Variants in CTNND2 observed in about 807,000 individuals in gnomAD.
CTNND2 encodes the protein catenin delta 2.
Under a neutral mutation model 144.4 loss-of-function variants are expected in CTNND2, and 22 were observed. The ratio of observed to expected loss-of-function variants is 0.15; its 90% CI spans 0.11 to 0.22. The LOEUF (loss-of-function observed/expected upper bound fraction) is 0.22, where lower values mean the gene tolerates loss of function less well. Ranked by LOEUF, CTNND2 falls within the 10% of genes least tolerant of loss-of-function variation. The probability of loss-of-function intolerance (pLI) is 1.00; values close to 1 mark genes in which losing one functional copy is unlikely to be tolerated. For missense variants in CTNND2, 1,353 were observed against 1,618.8 expected (o/e 0.84, Z 2.82); for synonymous variants, 751 against 695.6 (o/e 1.08, Z -1.25).
intron 2 of CTNND2, among the ~76,000 whole-genome samples, chr5:11,642,566 A>C (rs548557771): frequency 1.3e-5 from 2 of 152,246 alleles, no homozygotes; most frequent in South Asian, 4.1e-4. Context: ...GCAGCAGTGG[A>C]GTTGGTCAAA....
At chr5:11,009,964 A>C (rs558796539) in intron 18 of CTNND2, among the ~76,000 whole-genome samples, 1 of 152,364 alleles carries the variant, frequency 6.6e-6, no homozygotes, top group East Asian at 1.9e-4. Flanking sequence ...AACATCAACA[A>C]GTAAACGTCC....
chr5:11,753,884 C>G (rs1402548237), intron 1 of CTNND2, among the ~76,000 whole-genome samples: 1 of 151,484 alleles, frequency 6.6e-6, no homozygotes, highest in Non-Finnish European at 1.5e-5. Context: ...CAATTTCTTC[C>G]TTTTCTCACC....
intron 2 of CTNND2, among the ~76,000 whole-genome samples, chr5:11,589,765 C>T (rs1166760255): frequency 1.3e-5 from 2 of 152,140 alleles, no homozygotes; most frequent in African/African-American, 4.8e-5. Context: ...GACCTTTGTA[C>T]CAAATGGATC....
chr5:11,253,190 G>T (rs754203167), intron 9 of CTNND2, among the ~76,000 whole-genome samples: 1 of 152,132 alleles, frequency 6.6e-6, no homozygotes, highest in Non-Finnish European at 1.5e-5. Context: ...TTCATGATCT[G>T]TCTCTAAATT....
intron 2 of CTNND2, among the ~76,000 whole-genome samples, chr5:11,669,113 C>A (rs564220295): frequency 6.6e-6 from 1 of 152,168 alleles, no homozygotes; most frequent in Non-Finnish European, 1.5e-5. Context: ...AGGGATGAAG[C>A]CGACTTGATC....
intron 9 of CTNND2, among the ~76,000 whole-genome samples, chr5:11,240,062 C>T (rs147775482): frequency 3.3e-5 from 5 of 152,096 alleles, no homozygotes; most frequent in African/African-American, 1.2e-4. Flanking sequence ...ACAGTTCTAC[C>T]AGTGACTCTC....
intron 2 of CTNND2, among the ~76,000 whole-genome samples, chr5:11,620,718 C>T (rs1780789581): frequency 6.6e-6 from 1 of 152,124 alleles, no homozygotes; most frequent in Non-Finnish European, 1.5e-5. Context: ...GTCACTGGGT[C>T]TATTATCTGT....
At chr5:11,566,789 C>G (rs946553969) in intron 2 of CTNND2, among the ~76,000 whole-genome samples, 15 of 152,196 alleles carry the variant, frequency 9.9e-5, no homozygotes, top group Non-Finnish European at 1.9e-4. Context: ...ATGGTTTCAC[C>G]TCTTGTCAGT....
intron 3 of CTNND2, among the ~76,000 whole-genome samples, chr5:11,454,463 A>G (rs1275553045): frequency 3.9e-5 from 6 of 152,218 alleles, no homozygotes; most frequent in Non-Finnish European, 5.9e-5. Flanking sequence ...ATTCATTAAC[A>G]TAATATTTGT....
chr5:11,291,470 G>A (rs1748346166), intron 9 of CTNND2, among the ~76,000 whole-genome samples: 1 of 151,944 alleles, frequency 6.6e-6, no homozygotes, highest in South Asian at 2.1e-4. Context: ...GTCAATGTCT[G>A]CCACTTCCAA....
intron 5 of CTNND2, among the ~76,000 whole-genome samples, chr5:11,407,245 C>T (rs1761170658): frequency 1.3e-5 from 2 of 152,144 alleles, no homozygotes; most frequent in South Asian, 4.1e-4. Flanking sequence ...ACTGAAGCGA[C>T]AGCAGTCTCT....
chr5:11,160,890 T>C lies in CTNND2; in HGVS notation c.1976-1131A>G, dbSNP rs1758707027. ...GCACATGTTGAACTATCCAAGGACA[T>C]TAATAATACAAATCTGACTGTTAAT... On this transcript the variant is annotated intron_variant, in intron 11 of 21. Coordinates refer to ENST00000304623, the MANE Select transcript of CTNND2 (RefSeq NM_001332.4). Among the ~76,000 whole-genome samples, 3 of 152,254 alleles carry C rather than the reference T, an allele frequency of 2.0e-5. No homozygotes were observed. In the South Asian group the frequency reaches 6.2e-4, roughly 31 times the overall value.
At chr5:11,306,174 G>A (rs1359066163) in intron 9 of CTNND2, among the ~76,000 whole-genome samples, 17 of 152,196 alleles carry the variant, frequency 1.1e-4, no homozygotes, top group Non-Finnish European at 2.1e-4. Context: ...CTGAAAGTGC[G>A]GAGAAGCCAG....
intron 2 of CTNND2, among the ~76,000 whole-genome samples, chr5:11,646,787 C>A (rs1382774049): frequency 2.0e-5 from 3 of 152,204 alleles, no homozygotes; most frequent in Non-Finnish European, 4.4e-5. Context: ...AATGGCCCAG[C>A]CTCCTGCAGA....
chr5:11,762,679 C>T (rs10067440), intron 1 of CTNND2, among the ~76,000 whole-genome samples: 6 of 152,168 alleles, frequency 3.9e-5, no homozygotes, highest in Admixed American at 2.6e-4. Flanking sequence ...CAGGCCTTCA[C>T]GAATAATAAG....
chr5:11,850,279 G>A (rs963003273), intron 1 of CTNND2, among the ~76,000 whole-genome samples: 8 of 151,848 alleles, frequency 5.3e-5, no homozygotes, highest in African/African-American at 1.9e-4. Context: ...AGAAATATAA[G>A]TGAAAAAAGT....
chr5:11,244,143 T>G (rs1742738765), intron 9 of CTNND2, among the ~76,000 whole-genome samples: 1 of 152,080 alleles, frequency 6.6e-6, no homozygotes, highest in East Asian at 1.9e-4. Flanking sequence ...ATAGATTTTT[T>G]TAAAGAACAA....
chr5:11,578,047 A>G (rs535424083), intron 2 of CTNND2, among the ~76,000 whole-genome samples: 38 of 152,260 alleles, frequency 2.5e-4, no homozygotes, highest in Non-Finnish European at 5.0e-4. Context: ...CACCCAAAAA[A>G]ATAGTCTCAG....
At position 11,825,480 on chromosome 5, in the gene CTNND2, T is replaced by C. The variant is rs535244230; in HGVS notation, c.37+78337A>G. Among the ~76,000 whole-genome samples the C allele has an allele frequency of 5.9e-5, 9 of 152,192 alleles. No homozygotes were observed. The South Asian group carries it at 1.9e-3, about 32-fold the overall frequency. On this transcript the variant is annotated intron_variant, in intron 1 of 21. Coordinates refer to ENST00000304623, the MANE Select transcript of CTNND2 (RefSeq NM_001332.4). ...AGTATCAAGAAGTCTAACCTATGGG[T>C]AACTGGACTCCCAGAAGAAGAGGAA...
Sources: gnomAD v4.1 joint callset for allele counts (sites outside exome capture counted in the v4.1 genomes callset) on GRCh38, gnomAD v4.1.1 for gene constraint, MANE v1.5 for transcripts, NCBI Gene and HGNC (gene_info 2026-07-23, HGNC 2026-07-21) for gene names.